Variants in LRRC28 observed in about 807,000 individuals in gnomAD.
The protein encoded by LRRC28 is leucine-rich repeat-containing protein 28.
Under a neutral mutation model 45.7 loss-of-function variants are expected in LRRC28, and 39 were observed. The observed-to-expected ratio is 0.85, with a 90% CI of 0.66 to 1.12. The LOEUF (loss-of-function observed/expected upper bound fraction) is 1.12, where lower values mean the gene tolerates loss of function less well. LRRC28 is among the 50% of genes most tolerant of loss of function. The pLI is 0.00. For missense variants in LRRC28, 435 were observed against 438.5 expected (o/e 0.99, Z 0.07); for synonymous variants, 206 against 178.8 (o/e 1.15, Z -1.22).
chr15:99,335,963 TTAAC>T (rs1956308018), intron 6 of LRRC28, among the ~76,000 whole-genome samples: 1 of 152,168 alleles, frequency 6.6e-6, no homozygotes, highest in South Asian at 2.1e-4. Context: ...TAAGCAGCCT[TTAAC>T]TTACTGTGGC....
Position 99,390,309 on chromosome 15 carries a change from CT to C in LRRC28, c.*4209del, listed in dbSNP as rs1958147676. 6.6e-6 allele frequency: 1 copy of C among 152,196 alleles called. No individual in the cohort carries two copies. Among genetic ancestry groups the C allele is most frequent in the Non-Finnish European group, 1.5e-5 (1 of 68,046 alleles). 9.4% of individuals were successfully genotyped at this position (152,196 alleles called of 1,614,324 possible). On this transcript the variant is annotated 3_prime_UTR_variant, in exon 10 of 10. Transcript: ENST00000301981. ...GAAGTATGACTGTATGTGTGGTCCCCTTGTACTTTGGAGACAGAAGGTACTG... is the reference window on the plus strand; with the variant it reads ...GAAGTATGACTGTATGTGTGGTCCCCTGTACTTTGGAGACAGAAGGTACTG...
chr15:99,356,007 G>C (rs999502528), intron 7 of LRRC28, among the ~76,000 whole-genome samples: 1 of 152,244 alleles, frequency 6.6e-6, no homozygotes, highest in Admixed American at 6.5e-5. Context: ...CCTGGCTGCA[G>C]ATGAAAGTAC....
intron 7 of LRRC28, among the ~76,000 whole-genome samples, chr15:99,358,724 A>G (rs112440590): frequency 7.0e-6 from 1 of 142,064 alleles, no homozygotes; most frequent in Non-Finnish European, 1.6e-5. Context: ...TTCCATTTGG[A>G]AAAAAAAAGC....
In LRRC28 at chr15:99,368,493, A is replaced by G. The variant is rs548801154; in HGVS notation, c.1031+5228A>G. Among the ~76,000 whole-genome samples the G allele has an allele frequency of 3.0e-4, 46 of 152,286 alleles. No individual in the cohort carries two copies. The East Asian group carries it at 3.7e-3, about 12-fold the overall frequency. ...GTTCTCTGGGCCCAGTGGGGTGGCAATCACACCCCCTTAGTCCTGGATGAA... is the reference window on the plus strand; with the variant it reads ...GTTCTCTGGGCCCAGTGGGGTGGCAGTCACACCCCCTTAGTCCTGGATGAA... On this transcript the variant is annotated intron_variant, in intron 9 of 9. Coordinates refer to ENST00000301981, the MANE Select transcript of LRRC28 (RefSeq NM_144598.5).
At chr15:99,339,131 T>C (rs1956420681) in intron 6 of LRRC28, among the ~76,000 whole-genome samples, 1 of 152,196 alleles carries the variant, frequency 6.6e-6, no homozygotes, top group Admixed American at 6.5e-5. Flanking sequence ...CTTCTGAAAG[T>C]GTAGGGAGAT....
chr15:99,374,956 C>T (rs1019244840), intron 9 of LRRC28, among the ~76,000 whole-genome samples: 2 of 152,060 alleles, frequency 1.3e-5, no homozygotes, highest in Non-Finnish European at 2.9e-5. Flanking sequence ...CATGAGCCAC[C>T]GCACCCAGCT....
intron 6 of LRRC28, among the ~76,000 whole-genome samples, chr15:99,336,025 G>A (rs536324154): frequency 2.0e-5 from 3 of 152,182 alleles, no homozygotes; most frequent in South Asian, 4.1e-4. Context: ...TAAGTCTGGG[G>A]TCGCCTATAC....
intron 5 of LRRC28, among the ~76,000 whole-genome samples, chr15:99,332,447 T>C (rs1035072490): frequency 2.6e-5 from 4 of 152,234 alleles, no homozygotes; most frequent in African/African-American, 9.6e-5. Flanking sequence ...TAGGGTATTT[T>C]GGACTTGTAT....
intron 9 of LRRC28, among the ~76,000 whole-genome samples, chr15:99,375,041 A>G (rs1957588001): frequency 6.6e-6 from 1 of 152,194 alleles, no homozygotes; most frequent in Admixed American, 6.5e-5. Context: ...ATAATAATAC[A>G]TATAATGTGT....
chr15:99,256,131 G>A lies in LRRC28; in HGVS notation c.168+6G>A, dbSNP rs1166987815. ...GGAACTCCCTGACATCCTTGGTACA[G>A]TATTATATTACACTACTGAAAAATT... is the stretch of plus-strand genomic sequence containing the variant. On this transcript the variant is annotated splice_donor_region_variant and intron_variant, in intron 2 of 9. Transcript: ENST00000301981. 2 of 1,597,140 alleles carry A rather than the reference G, an allele frequency of 1.3e-6. No homozygotes were observed. Among genetic ancestry groups the A allele is most frequent in the Non-Finnish European group, 1.7e-6 (2 of 1,173,954 alleles).
chr15:99,271,279 G>T (rs189139122), intron 2 of LRRC28, among the ~76,000 whole-genome samples: 2 of 141,256 alleles, frequency 1.4e-5, no homozygotes, highest in Non-Finnish European at 3.1e-5. Context: ...GACATCCAGT[G>T]TATCTATTTT....
At chr15:99,276,499 A>G in intron 2 of LRRC28, 77 bp from the exon 3 acceptor site, 1 of 1,191,926 alleles carries the variant, frequency 8.4e-7, no homozygotes, top group South Asian at 1.6e-5. Context: ...AAAAGGTAGT[A>G]CTTTGTATTT....
chr15:99,315,149 A>G (rs1955549047), intron 5 of LRRC28, among the ~76,000 whole-genome samples: 1 of 152,220 alleles, frequency 6.6e-6, no homozygotes, highest in Non-Finnish European at 1.5e-5. Flanking sequence ...TGCAGTTCTT[A>G]TAAAAATTAC....
intron 6 of LRRC28, chr15:99,337,820 A>T (rs1254626747): frequency 1.3e-5 from 2 of 152,316 alleles, no homozygotes; most frequent in Non-Finnish European, 2.9e-5. Flanking sequence ...CAGCCCTGGC[A>T]GAACATGGGC....
chr15:99,335,336 A>G (rs751301473), intron 6 of LRRC28, among the ~76,000 whole-genome samples: 5 of 152,096 alleles, frequency 3.3e-5, no homozygotes, highest in Non-Finnish European at 5.9e-5. Flanking sequence ...CATAAATTTT[A>G]TTTTCTGTGA....
At chr15:99,289,536 C>T (rs2082052363) in intron 5 of LRRC28, among the ~76,000 whole-genome samples, 1 of 152,100 alleles carries the variant, frequency 6.6e-6, no homozygotes, top group Admixed American at 6.5e-5. Flanking sequence ...TATGGTATTT[C>T]TTTGTTTTTT....
chr15:99,309,049 A>G (rs549817354), intron 5 of LRRC28, among the ~76,000 whole-genome samples: 5 of 152,362 alleles, frequency 3.3e-5, no homozygotes, highest in African/African-American at 9.6e-5. Flanking sequence ...CAGTTGGAGT[A>G]TAAATGCTTG....
intron 2 of LRRC28, among the ~76,000 whole-genome samples, chr15:99,262,266 G>A (rs936501626): frequency 2.0e-5 from 3 of 152,030 alleles, no homozygotes; most frequent in Admixed American, 6.6e-5. Flanking sequence ...CTGGTCTAAA[G>A]GGTAGACATG....
intron 9 of LRRC28, among the ~76,000 whole-genome samples, chr15:99,380,444 A>T (rs548737171): frequency 6.6e-6 from 1 of 152,182 alleles, no homozygotes; most frequent in East Asian, 1.9e-4. Context: ...TGCACATGAG[A>T]TGGGTCTCCT....
Sources: allele counts gnomAD v4.1 joint callset (sites outside exome capture counted in the v4.1 genomes callset), GRCh38; gene constraint gnomAD v4.1.1; transcripts MANE v1.5; gene names NCBI Gene and HGNC (gene_info 2026-07-23, HGNC 2026-07-21).